CSMD1: variants seen among roughly 807,000 people sequenced by gnomAD.
CSMD1 encodes CUB and sushi domain-containing protein 1.
Under a neutral mutation model 417.5 loss-of-function variants are expected in CSMD1, and 213 were observed. The observed-to-expected ratio is 0.51, with a 90% CI of 0.46 to 0.57. The LOEUF (loss-of-function observed/expected upper bound fraction) is 0.57. Ranked by LOEUF, CSMD1 falls within the 20% of genes least tolerant of loss-of-function variation. CSMD1 has a pLI of 0.00. For synonymous variants in CSMD1, 2,862 were observed against 1,736.8 expected (o/e 1.65, Z -16.11); for missense variants, 6,923 against 4,529.7 (o/e 1.53, Z -15.17).
At chr8:4,429,050 A>G (rs118168547) in intron 2 of CSMD1, among the ~76,000 whole-genome samples, 175 of 152,062 alleles carry the variant, frequency 1.2e-3, no homozygotes, top group Non-Finnish European at 1.9e-3. Context: ...AGTTTTACAT[A>G]CTTACAGTGT....
intron 3 of CSMD1, among the ~76,000 whole-genome samples, chr8:4,207,625 C>G (rs1252434769): frequency 6.6e-6 from 1 of 152,038 alleles, no homozygotes; most frequent in Non-Finnish European, 1.5e-5. Flanking sequence ...GCAACATTTT[C>G]ATTATGAAGA....
intron 2 of CSMD1, among the ~76,000 whole-genome samples, chr8:4,579,838 T>G (rs1300089440): frequency 6.6e-6 from 1 of 152,154 alleles, no homozygotes; most frequent in Non-Finnish European, 1.5e-5. Flanking sequence ...AGGATTCAAT[T>G]CTCAGATAAA....
At chr8:3,831,086 T>C (rs34520607) in intron 5 of CSMD1, among the ~76,000 whole-genome samples, 13,860 of 152,200 alleles carry the variant, frequency 0.091, 837 homozygotes, top group Middle Eastern at 0.15. Flanking sequence ...GAATCAAATA[T>C]TGAGTGTCCA....
chr8:4,129,844 G>C (rs538266207), intron 3 of CSMD1, among the ~76,000 whole-genome samples: 4 of 152,056 alleles, frequency 2.6e-5, no homozygotes, highest in Non-Finnish European at 4.4e-5. Flanking sequence ...TTCTTTCCTA[G>C]ATGGTTCCTG....
intron 4 of CSMD1, among the ~76,000 whole-genome samples, chr8:4,023,113 T>C (rs975946823): frequency 1.3e-5 from 2 of 152,160 alleles, no homozygotes; most frequent in African/African-American, 4.8e-5. Flanking sequence ...GCAGTGGATG[T>C]ACAGGAGATG....
At chr8:4,120,051 G>T (rs370848194) in intron 3 of CSMD1, among the ~76,000 whole-genome samples, 1 of 152,144 alleles carries the variant, frequency 6.6e-6, no homozygotes, top group African/African-American at 2.4e-5. Context: ...AAAAATAACA[G>T]AGTATAATTG....
intron 69 of CSMD1, among the ~76,000 whole-genome samples, chr8:2,941,355 T>C (rs1306970793): frequency 1.3e-5 from 2 of 152,262 alleles, no homozygotes; most frequent in Non-Finnish European, 2.9e-5. Context: ...CATGACAGTT[T>C]TTCTGTTTTA....
chr8:3,889,284 C>T (rs888882829), intron 5 of CSMD1, among the ~76,000 whole-genome samples: 3 of 150,958 alleles, frequency 2.0e-5, no homozygotes, highest in South Asian at 2.1e-4. Context: ...AAAGCCATTG[C>T]CTTTTTTTTC....
chr8:3,894,051 C>A (rs1361592245), intron 5 of CSMD1, among the ~76,000 whole-genome samples: 1 of 152,118 alleles, frequency 6.6e-6, no homozygotes, highest in African/African-American at 2.4e-5. Context: ...CTGGTCATTG[C>A]TGCCACATCC....
chr8:4,439,204 AATTTC>A (rs1798321919), intron 2 of CSMD1, among the ~76,000 whole-genome samples: 1 of 152,128 alleles, frequency 6.6e-6, no homozygotes, highest in African/African-American at 2.4e-5. Flanking sequence ...ACACATTGCA[AATTTC>A]ATTTATTTGA....
At chr8:4,423,569 G>T (rs961748761) in intron 2 of CSMD1, among the ~76,000 whole-genome samples, 2 of 152,010 alleles carry the variant, frequency 1.3e-5, no homozygotes, top group Non-Finnish European at 1.5e-5. Flanking sequence ...TAAATGGACA[G>T]ATATACCATG....
At chr8:4,219,198 T>C (rs1800870817) in intron 3 of CSMD1, among the ~76,000 whole-genome samples, 1 of 152,234 alleles carries the variant, frequency 6.6e-6, no homozygotes, top group Non-Finnish European at 1.5e-5. Flanking sequence ...GCAGAATTTC[T>C]GCTGTAAAAT....
At chr8:4,230,173 T>A (rs994610239) in intron 3 of CSMD1, among the ~76,000 whole-genome samples, 1 of 152,218 alleles carries the variant, frequency 6.6e-6, no homozygotes. Context: ...TTTGAATTGA[T>A]ATTCTGAGCC....
chr8:3,271,913 G>T (rs867770611), intron 26 of CSMD1, among the ~76,000 whole-genome samples: 2 of 152,074 alleles, frequency 1.3e-5, no homozygotes, highest in Non-Finnish European at 2.9e-5. Context: ...TTCTTTTGCT[G>T]TGCAGAAGCT....
Position 4,878,016 on chromosome 8 carries a change from G to A in CSMD1, c.85+116316C>T, listed in dbSNP as rs949021640. ...CCCTGTTCAGAAATAGGACCTGTCA[G>A]CATCCCATCACCACATAAAACCTAT... On this transcript the variant is annotated intron_variant, in intron 1 of 69. Transcript: ENST00000635120. 8.5e-5 allele frequency among the ~76,000 whole-genome samples: 13 copies of A among 152,148 alleles called. No homozygotes were observed. The South Asian group carries it at 1.7e-3, about 19-fold the overall frequency.
intron 1 of CSMD1, among the ~76,000 whole-genome samples, chr8:4,733,700 T>C (rs951282424): frequency 1.3e-5 from 2 of 152,218 alleles, no homozygotes; most frequent in Non-Finnish European, 2.9e-5. Context: ...TCCTTTCTCC[T>C]ATCTATGACT....
intron 1 of CSMD1, among the ~76,000 whole-genome samples, chr8:4,793,116 G>C (rs1797782760): frequency 6.6e-6 from 1 of 151,796 alleles, no homozygotes; most frequent in Non-Finnish European, 1.5e-5. Context: ...TTTTGTCTTA[G>C]AAATATAGCA....
rs187572991 is a variant in CSMD1 at position 2,970,145 on chromosome 8, G to A, written c.8923+2972C>T. On this transcript the variant is annotated intron_variant, in intron 57 of 69. Coordinates refer to ENST00000635120, the MANE Select transcript of CSMD1 (RefSeq NM_033225.6). ...AGTTAGATAGATTGGGAAGTGAAAC[G>A]CAATTAAGCTCTCATTCAAATAAAT... is the stretch of plus-strand genomic sequence containing the variant. 1.4e-4 allele frequency among the ~76,000 whole-genome samples: 21 copies of A among 152,192 alleles called. No homozygotes were observed. The East Asian group carries it at 2.9e-3, about 21-fold the overall frequency.
At chr8:4,651,112 G>T (rs1403282793) in intron 1 of CSMD1, among the ~76,000 whole-genome samples, 1 of 152,094 alleles carries the variant, frequency 6.6e-6, no homozygotes, top group Non-Finnish European at 1.5e-5. Context: ...CAAGCGAATG[G>T]CAGCAAAAAG....
Sources: allele counts gnomAD v4.1 joint callset (sites outside exome capture counted in the v4.1 genomes callset), GRCh38; gene constraint gnomAD v4.1.1; transcripts MANE v1.5; gene names NCBI Gene and HGNC (gene_info 2026-07-23, HGNC 2026-07-21).